The following RBFOX1 variants were observed in gnomAD, a reference collection of about 807,000 sequenced individuals.
RBFOX1 encodes the protein RNA binding fox-1 homolog 1.
RBFOX1 carries 8 observed loss-of-function variants against 57.7 expected under a neutral mutation model. The observed-to-expected ratio is 0.14, with a 90% CI of 0.08 to 0.25. The LOEUF (loss-of-function observed/expected upper bound fraction) is 0.25. RBFOX1 is among the 10% of genes least tolerant of loss of function. The pLI is 1.00. For missense variants in RBFOX1, 611 were observed against 548.5 expected (o/e 1.11, Z -1.14); for synonymous variants, 326 against 222.4 (o/e 1.47, Z -4.15).
intron 1 of RBFOX1, among the ~76,000 whole-genome samples, chr16:5,455,449 C>T (rs2068600562): frequency 6.6e-6 from 1 of 152,222 alleles, no homozygotes; most frequent in East Asian, 1.9e-4. Flanking sequence ...TATCACTCCA[C>T]CTCTTGATAG....
intron 12 of RBFOX1, among the ~76,000 whole-genome samples, chr16:7,656,595 C>G (rs1407599231): frequency 6.6e-6 from 1 of 152,160 alleles, no homozygotes; most frequent in Non-Finnish European, 1.5e-5. Context: ...TTCCTGTAGC[C>G]TTTTATCTCT....
chr16:6,834,224 C>G (rs2092923646), intron 3 of RBFOX1, among the ~76,000 whole-genome samples: 2 of 151,940 alleles, frequency 1.3e-5, no homozygotes, highest in African/African-American at 2.4e-5. Context: ...CAGGTGCCCG[C>G]TAGCACGCCC....
chr16:6,240,168 A>T (rs139396272), intron 1 of RBFOX1, among the ~76,000 whole-genome samples: 10 of 152,302 alleles, frequency 6.6e-5, no homozygotes, highest in Non-Finnish European at 1.5e-4. Flanking sequence ...AGGCCTTCCC[A>T]GAAGCCAAAC....
chr16:5,362,971 T>C (rs2065595803), intron 1 of RBFOX1, among the ~76,000 whole-genome samples: 1 of 152,118 alleles, frequency 6.6e-6, no homozygotes, highest in Admixed American at 6.5e-5. Flanking sequence ...TTGGCTATTG[T>C]GTATAATGCC....
At chr16:7,414,948 C>T (rs751456007) in intron 4 of RBFOX1, among the ~76,000 whole-genome samples, 2 of 152,240 alleles carry the variant, frequency 1.3e-5, no homozygotes, top group South Asian at 4.2e-4. Context: ...ACAGATTATG[C>T]AAGGGAAGGT....
intron 3 of RBFOX1, among the ~76,000 whole-genome samples, chr16:7,026,459 C>G (rs2239): frequency 0.77 from 117,034 of 152,030 alleles, 45,238 homozygotes; most frequent in East Asian, 0.92. Context: ...TTTTTTTCTT[C>G]TTCTTTCATT....
intron 1 of RBFOX1, among the ~76,000 whole-genome samples, chr16:6,179,401 G>T (rs898699953): frequency 6.6e-6 from 1 of 152,140 alleles, no homozygotes; most frequent in Admixed American, 6.5e-5. Context: ...TCTGTATAAA[G>T]GAATAATTCT....
chr16:7,635,601 C>T (rs996539906), intron 11 of RBFOX1, among the ~76,000 whole-genome samples: 2 of 152,116 alleles, frequency 1.3e-5, no homozygotes, highest in Admixed American at 1.3e-4. Flanking sequence ...ATTAGTTTGA[C>T]TTTACAGAGG....
At chr16:6,450,747 ATATATACATATATATATG>A (rs2094572109) in intron 2 of RBFOX1, among the ~76,000 whole-genome samples, 1 of 62,736 alleles carries the variant, frequency 1.6e-5, no homozygotes, top group Non-Finnish European at 3.2e-5. Flanking sequence ...AATTTTATAT[ATATATACATATATATATG>A]TGTATATATA....
intron 3 of RBFOX1, among the ~76,000 whole-genome samples, chr16:6,776,845 C>A (rs767254329): frequency 1.4e-5 from 2 of 147,058 alleles, no homozygotes; most frequent in African/African-American, 2.7e-5. Context: ...TTTATTTTTT[C>A]TTCGTAGCAT....
At chr16:6,645,354 C>T (rs994022371) in intron 2 of RBFOX1, among the ~76,000 whole-genome samples, 1 of 152,128 alleles carries the variant, frequency 6.6e-6, no homozygotes, top group African/African-American at 2.4e-5. Context: ...GCTGGCTACT[C>T]ACTTCTAAAT....
chr16:5,907,869 G>A (rs148211863), intron 4 of RBFOX1, among the ~76,000 whole-genome samples: 1 of 151,628 alleles, frequency 6.6e-6, no homozygotes, highest in South Asian at 2.1e-4. Flanking sequence ...TCCTGCCTCA[G>A]CCTCCCAGCT....
chr16:6,814,843 G>A (rs62016146), intron 3 of RBFOX1, among the ~76,000 whole-genome samples: 31,835 of 152,074 alleles, frequency 0.21, 4,016 homozygotes, highest in Non-Finnish European at 0.28. Context: ...AAGGGGTCCT[G>A]ATCCAGACGC....
chr16:6,677,388 T>A (rs934682880), intron 3 of RBFOX1, among the ~76,000 whole-genome samples: 1 of 152,188 alleles, frequency 6.6e-6, no homozygotes, highest in Non-Finnish European at 1.5e-5. Flanking sequence ...ATGTGATATG[T>A]TTCTATGGAG....
intron 3 of RBFOX1, among the ~76,000 whole-genome samples, chr16:6,815,121 A>C (rs554088062): frequency 1.3e-5 from 2 of 152,242 alleles, no homozygotes; most frequent in Admixed American, 6.5e-5. Flanking sequence ...CATATAGCGT[A>C]ACTTCCGGGT....
rs766019381 is a variant in RBFOX1 at position 7,386,474 on chromosome 16, C to G, written c.28-131673C>G. On this transcript the variant is annotated intron_variant, in intron 4 of 15. Transcript: ENST00000550418. ...ACCTCCCACTTATGAGAACATGTGG[C>G]GTTTGATTTTCTGTTCTTGTGTTAG... Among the ~76,000 whole-genome samples, 9 of 146,646 alleles carry G rather than the reference C, an allele frequency of 6.1e-5. 1 individual carries two copies. The highest frequency in any genetic ancestry group is 5.6e-4 in the Admixed American group (8 of 14,302).
intron 2 of RBFOX1, among the ~76,000 whole-genome samples, chr16:5,596,448 G>T (rs917227905): frequency 6.6e-6 from 1 of 152,156 alleles, no homozygotes; most frequent in African/African-American, 2.4e-5. Flanking sequence ...CATTTCCATG[G>T]GTCTCTGTTT....
chr16:6,846,325 A>G lies in RBFOX1; in HGVS notation c.-16+191675A>G, dbSNP rs181462876. Among the ~76,000 whole-genome samples, 7 of 152,312 alleles carry G rather than the reference A, an allele frequency of 4.6e-5. No homozygotes were observed. In the East Asian group the frequency reaches 1.4e-3, roughly 29 times the overall value. On this transcript the variant is annotated intron_variant, in intron 3 of 15. Transcript: ENST00000550418. ...CATGGACACATCACAGACTCACTCA[A>G]CATGGACACATCAAGACTCACTTAA...
chr16:6,861,889 T>C (rs1481611855), intron 3 of RBFOX1, among the ~76,000 whole-genome samples: 1 of 124,988 alleles, frequency 8.0e-6, no homozygotes, highest in Non-Finnish European at 1.6e-5. Context: ...TGCCCAGAAA[T>C]GTCGTTAACA....
Sources: allele counts gnomAD v4.1 joint callset (sites outside exome capture counted in the v4.1 genomes callset), GRCh38; gene constraint gnomAD v4.1.1; transcripts MANE v1.5; gene names NCBI Gene and HGNC (gene_info 2026-07-23, HGNC 2026-07-21).